The following RAB3IL1 variants were observed in gnomAD, a reference collection of about 807,000 sequenced individuals.
RAB3IL1 encodes RAB3A interacting protein like 1, also known as guanine nucleotide exchange factor for Rab-3A.
Under a neutral mutation model 49.2 loss-of-function variants are expected in RAB3IL1, and 37 were observed. The observed-to-expected ratio is 0.75, with a 90% CI of 0.58 to 0.99. The LOEUF is 0.99. RAB3IL1 is among the 50% of genes least tolerant of loss of function. The pLI, the probability that RAB3IL1 is intolerant of heterozygous loss-of-function variation, is 0.00. For missense variants in RAB3IL1, 484 were observed against 513.0 expected (o/e 0.94, Z 0.55); for synonymous variants, 193 against 213.9 (o/e 0.90, Z 0.85).
At chr11:61,921,917 G>A (rs557825456), upstream of RAB3IL1, among the ~76,000 whole-genome samples, 8 of 152,236 alleles carry the variant, frequency 5.3e-5, no homozygotes, top group Admixed American at 3.9e-4. Context: ...GGCCAGGTGC[G>A]GTGGCTCATG....
At chr11:61,926,708 C>G in the RAB3IL1 span, among the ~76,000 whole-genome samples, 1 of 152,040 alleles carries the variant, frequency 6.6e-6, no homozygotes. Context: ...TGCACGCCAC[C>G]ATGCCTGGCT....
chr11:61,934,424 G>A, the RAB3IL1 span, among the ~76,000 whole-genome samples: 7 of 53,998 alleles, frequency 1.3e-4, no homozygotes, highest in Non-Finnish European at 2.0e-4. Context: ...ATATATATGT[G>A]TATGTGTGTG....
intron 1 of RAB3IL1, among the ~76,000 whole-genome samples, chr11:61,913,263 G>A (rs894159059): frequency 2.0e-5 from 3 of 152,132 alleles, no homozygotes; most frequent in Non-Finnish European, 2.9e-5. Context: ...GAAAGAGATC[G>A]TCATGAGTCT....
At chr11:61,914,478 C>T (rs994579961) in intron 1 of RAB3IL1, among the ~76,000 whole-genome samples, 5 of 152,364 alleles carry the variant, frequency 3.3e-5, no homozygotes, top group South Asian at 4.1e-4. Flanking sequence ...GTACTCAAGA[C>T]GCTGTCCTCA....
rs1477967258 is a variant in RAB3IL1 at position 61,899,326 on chromosome 11, C to A, written c.1054G>T (p.Val352Leu). Residue 352 changes from valine to leucine, a missense_variant, in exon 9 of 10, where the codon GTG (valine) becomes TTG (leucine). Physicochemically the swap from Val to Leu is conservative, Grantham distance 32. Coordinates refer to ENST00000394836, the MANE Select transcript of RAB3IL1 (RefSeq NM_013401.4). ...TYIRYIQQGL[V>L]RQDAEPMFWE... ...AGGGGGCGCTCACCGTCCTGCCGCA[C>A]CAGGCCTTGCTGGATGTAGCGGATG... The A allele has an allele frequency of 6.2e-7, 1 of 1,607,590 alleles. No individual in the cohort carries two copies.
At chr11:61,902,751 T>C (rs2136026173) in intron 7 of RAB3IL1, among the ~76,000 whole-genome samples, 1 of 152,332 alleles carries the variant, frequency 6.6e-6, no homozygotes, top group Non-Finnish European at 1.5e-5. Context: ...TAAGCTGAGC[T>C]GTACCCCTAG....
At chr11:61,916,158 C>G (rs547620790) in intron 1 of RAB3IL1, among the ~76,000 whole-genome samples, 2 of 152,006 alleles carry the variant, frequency 1.3e-5, no homozygotes, top group South Asian at 4.2e-4. Flanking sequence ...CCAGCCTGAT[C>G]AATATTGTGA....
chr11:61,920,296 T>G, upstream of RAB3IL1: 1 of 1,229,406 alleles, frequency 8.1e-7, no homozygotes, highest in Non-Finnish European at 1.0e-6. Flanking sequence ...ACCTTTGCTA[T>G]CTCCCCAGAG....
At chr11:61,925,733 A>G in the RAB3IL1 span, among the ~76,000 whole-genome samples, 3 of 152,150 alleles carry the variant, frequency 2.0e-5, no homozygotes, top group African/African-American at 2.4e-5. Flanking sequence ...ACACAGACAG[A>G]GAGAGGCAAA....
Position 61,906,675 on chromosome 11 carries a change from G to T in RAB3IL1, c.448C>A (p.Leu150Met), listed in dbSNP as rs755068948. 21 of 1,608,294 alleles carry T rather than the reference G, an allele frequency of 1.3e-5. No individual in the cohort carries two copies. Among genetic ancestry groups the T allele is most frequent in the Non-Finnish European group, 2.5e-6 (3 of 1,177,904 alleles). The part of the protein sequence containing the change: ...LKEARGKIDM[L>M]QAEVTALKTL... The stretch of plus-strand genomic sequence containing the variant: ...TTCAAGGCTGTCACCTCTGCCTGCA[G>T]CATGTCGATCTGCATGGGATGGGAT... The change falls in exon 5 of 10, where the codon CTG becomes ATG. Residue 150 changes from leucine to methionine, a missense_variant. By Grantham distance (15) the Leu-to-Met change is conservative. Coordinates refer to ENST00000394836, the MANE Select transcript of RAB3IL1 (RefSeq NM_013401.4). This position sits in a 1 kb window ranked among gnomAD's most constrained non-coding sequence, Gnocchi z 4.6.
At chr11:61,934,444 G>GTATGTGTATGTA in the RAB3IL1 span, among the ~76,000 whole-genome samples, 1 of 83,662 alleles carries the variant, frequency 1.2e-5, no homozygotes, top group Non-Finnish European at 2.5e-5. Context: ...GTGTGTGTGT[G>GTATGTGTATGTA]TGTATGTATA....
chr11:61,908,585 G>A (rs1939322295), intron 1 of RAB3IL1, among the ~76,000 whole-genome samples: 2 of 152,230 alleles, frequency 1.3e-5, no homozygotes, highest in Admixed American at 1.3e-4. Context: ...TCAGCACACA[G>A]TAGGTGGTCA....
At chr11:61,913,047 G>A (rs1421828260) in intron 1 of RAB3IL1, among the ~76,000 whole-genome samples, 1 of 152,142 alleles carries the variant, frequency 6.6e-6, no homozygotes, top group Non-Finnish European at 1.5e-5. Flanking sequence ...AAAGTGGGTG[G>A]CTGAGGCATC....
chr11:61,907,548 G>T lies in RAB3IL1; in HGVS notation c.360+17C>A. 6.2e-7 allele frequency: 1 copy of T among 1,613,800 alleles called. No individual in the cohort carries two copies. The highest frequency in any genetic ancestry group is 2.2e-5 in the East Asian group (1 of 44,880). On this transcript the variant is annotated intron_variant, in intron 3 of 9. Coordinates refer to ENST00000394836, the MANE Select transcript of RAB3IL1 (RefSeq NM_013401.4). ...ATGACCCATTCCCCAAGTTGTTCCC[G>T]CGCCCAGCCGGTGTACCTCAAACAG...
chr11:61,915,502 C>T (rs1384234129), intron 1 of RAB3IL1, among the ~76,000 whole-genome samples: 2 of 152,164 alleles, frequency 1.3e-5, no homozygotes, highest in Non-Finnish European at 2.9e-5. Context: ...GAAGTCCACA[C>T]TCTCAAGGTC....
chr11:61,937,206 T>C, the RAB3IL1 span, among the ~76,000 whole-genome samples: 1 of 151,976 alleles, frequency 6.6e-6, no homozygotes, highest in African/African-American at 2.4e-5. Context: ...ACATGAAAGG[T>C]AGGGGATGAA....
At chr11:61,924,179 C>T (rs148587814), upstream of RAB3IL1, among the ~76,000 whole-genome samples, 1,545 of 152,250 alleles carry the variant, frequency 0.01, 24 homozygotes, top group African/African-American at 0.035. Flanking sequence ...AGGCACTTGT[C>T]CCAGGTGGTA....
chr11:61,900,682 A>C (rs1938866022), intron 8 of RAB3IL1, among the ~76,000 whole-genome samples: 1 of 151,952 alleles, frequency 6.6e-6, no homozygotes, highest in Admixed American at 6.5e-5. Flanking sequence ...TAGGGAGAAA[A>C]CACTTCTCCC....
At chr11:61,900,467 T>C (rs1441952438) in intron 8 of RAB3IL1, among the ~76,000 whole-genome samples, 3 of 151,460 alleles carry the variant, frequency 2.0e-5, no homozygotes, top group Admixed American at 6.6e-5. Flanking sequence ...CTGGCAAAGA[T>C]AGGGAGGTGC....
Sources: allele counts gnomAD v4.1 joint callset (sites outside exome capture counted in the v4.1 genomes callset), GRCh38; gene constraint gnomAD v4.1.1; non-coding constraint Gnocchi (gnomAD v3.1); transcripts MANE v1.5; gene names NCBI Gene and HGNC (gene_info 2026-07-23, HGNC 2026-07-21).